SCAF11: variants seen among roughly 807,000 people sequenced by gnomAD.
SCAF11 encodes SR-related CTD associated factor 11.
A neutral mutation model predicts 140.5 loss-of-function variants in SCAF11; 47 were observed. That is an observed-to-expected ratio of 0.33 (90% confidence interval 0.26 to 0.43). SCAF11 has a LOEUF of 0.43. Among genes scored for constraint, SCAF11 ranks in the 20% least tolerant of loss-of-function variants. The pLI, the probability that SCAF11 is intolerant of heterozygous loss-of-function variation, is 1.00. For synonymous variants in SCAF11, 557 were observed against 579.4 expected, an observed-to-expected ratio of 0.96 and a Z score of 0.55; for missense variants, 1,645 against 1,705.1, an observed-to-expected ratio of 0.96 and a Z score of 0.62.
chr12:45,990,223 G>GA, intron 1 of SCAF11, 130 bp downstream of exon 1: 1 of 1,194,380 alleles, frequency 8.4e-7, no homozygotes, highest in South Asian at 4.4e-5. Context: ...CGGGCCGCGC[G>GA]AGATTCCGAA....
intron 3 of SCAF11, chr12:45,953,898 C>G: frequency 1.0e-6 from 1 of 996,428 alleles, no homozygotes; most frequent in Non-Finnish European, 1.3e-6. Flanking sequence ...TATGTAAGGT[C>G]TTGTAATCAA....
intron 6 of SCAF11, among the ~76,000 whole-genome samples, chr12:45,944,924 T>C (rs545139594): frequency 1.3e-5 from 2 of 152,120 alleles, no homozygotes; most frequent in Non-Finnish European, 2.9e-5. Flanking sequence ...AGGTATTTAA[T>C]CTCATCTCCC....
At chr12:45,982,891 T>C (rs1339233248) in intron 1 of SCAF11, among the ~76,000 whole-genome samples, 1 of 152,208 alleles carries the variant, frequency 6.6e-6, no homozygotes, top group Non-Finnish European at 1.5e-5. Flanking sequence ...CGGATTAAGA[T>C]ACTGTATCAC....
chr12:45,921,939 T>A lies in SCAF11; in HGVS notation c.*109A>T. The A allele has an allele frequency of 7.5e-7, 1 of 1,338,628 alleles. No individual in the cohort carries two copies. The highest frequency in any genetic ancestry group is 1.0e-6 in the Non-Finnish European group (1 of 982,556). 82.9% of individuals were successfully genotyped at this position (1,338,628 alleles called of 1,614,324 possible). A position where few individuals can be genotyped will look rare whatever the true frequency, so the allele number is the denominator to read the frequency against. ...ATATCCTATGTTAAAAAAATAATTT[T>A]ATCAAAACCAAATTTCAATCACAGT... On this transcript the variant is annotated 3_prime_UTR_variant, in exon 15 of 15. Transcript: ENST00000369367.
In SCAF11 at chr12:45,919,424, C is replaced by A. The variant is rs2136482901; in HGVS notation, c.*2624G>T. 1 of 152,686 alleles carries A rather than the reference C, an allele frequency of 6.5e-6. No individual in the cohort carries two copies. Among genetic ancestry groups the A allele is most frequent in the East Asian group, 1.9e-4 (1 of 5,188 alleles). The allele number at this position is 152,686 out of a possible 1,614,324, so 9.5% of individuals were successfully genotyped here. The stretch of plus-strand genomic sequence containing the variant: ...GATAACTACTATTAGTCTCAAAATT[C>A]TAGGCATTTCTATAAAACATTGGTC... On this transcript the variant is annotated 3_prime_UTR_variant, in exon 15 of 15. Transcript: ENST00000369367.
chr12:45,949,334 C>T (rs1945496480), intron 4 of SCAF11, among the ~76,000 whole-genome samples: 1 of 152,014 alleles, frequency 6.6e-6, no homozygotes. Flanking sequence ...ATTTCAAAGA[C>T]TTAGTATAAT....
chr12:45,971,745 C>A (rs554245178), intron 1 of SCAF11, among the ~76,000 whole-genome samples: 1 of 152,074 alleles, frequency 6.6e-6, no homozygotes, highest in East Asian at 1.9e-4. Flanking sequence ...TTCCTCATGT[C>A]CCAATTCCCA....
intron 1 of SCAF11, among the ~76,000 whole-genome samples, chr12:45,977,070 A>AT (rs535700011): frequency 2.7e-3 from 409 of 152,262 alleles, no homozygotes; most frequent in African/African-American, 9.5e-3. Context: ...AGAAATATTT[A>AT]AAGGAGAAAT....
At chr12:45,972,353 G>A (rs887335428) in intron 1 of SCAF11, among the ~76,000 whole-genome samples, 5 of 152,024 alleles carry the variant, frequency 3.3e-5, no homozygotes, top group Non-Finnish European at 7.4e-5. Context: ...AGGTCAAGAT[G>A]GGAGGACTGC....
In SCAF11 at chr12:45,926,874, A is replaced by G; in HGVS notation, c.2827T>C (p.Ser943Pro). 1 of 1,613,884 alleles carries G rather than the reference A, an allele frequency of 6.2e-7. No individual in the cohort carries two copies. The highest frequency in any genetic ancestry group is 8.5e-7 in the Non-Finnish European group (1 of 1,180,032). ...SRSRSHSRSPSRCRTKSKSSS... is the reference protein window; with the variant it reads ...SRSRSHSRSPPRCRTKSKSSS... Reference sequence around the variant, plus strand: ...CTCTTACTTTTTGTTCTACATCTTGAGGGGGACCTAGAATGAGATCTGGAC... The same window carrying G: ...CTCTTACTTTTTGTTCTACATCTTGGGGGGGACCTAGAATGAGATCTGGAC... The change falls in exon 11 of 15, where the codon TCA becomes CCA. Residue 943 changes from serine (S) to proline (P), a missense_variant. Around this residue, in one of 2 missense-constraint regions of SCAF11, gnomAD observed 1,582 missense variants for 1,609.2 expected, o/e 0.98. Coordinates refer to ENST00000369367, the MANE Select transcript of SCAF11 (RefSeq NM_004719.3).
intron 5 of SCAF11, 41 bp from the exon 6 acceptor site, chr12:45,945,354 AC>A (rs756869938): frequency 2.5e-6 from 3 of 1,211,254 alleles, no homozygotes; most frequent in Non-Finnish European, 3.6e-6. Context: ...TAAGAAAAAA[AC>A]TGTCATTTTG....
intron 1 of SCAF11, chr12:45,975,787 G>A (rs1946219626): frequency 1.3e-5 from 2 of 152,090 alleles, no homozygotes; most frequent in African/African-American, 4.8e-5. Context: ...GAGAACAGCT[G>A]GTCAGTGGAG....
In SCAF11 at chr12:45,958,046, A is replaced by G. The variant is rs371500274; in HGVS notation, c.219+3654T>C. ...TTCCCAAGTAGCTGGGACTACAGGC[A>G]TACTCCACCATGCCTGGCTAATTTT... On this transcript the variant is annotated intron_variant, in intron 3 of 14. Coordinates refer to ENST00000369367, the MANE Select transcript of SCAF11 (RefSeq NM_004719.3). Among the ~76,000 whole-genome samples, 344 of 151,082 alleles carry G rather than the reference A, an allele frequency of 2.3e-3. 12 individuals are homozygous for G. In the South Asian group the frequency reaches 0.067, roughly 30 times the overall value.
chr12:45,945,301 G>A lies in SCAF11; in HGVS notation c.411C>T (p.Ile137=), dbSNP rs779887204. The change falls in exon 6 of 15, where the codon ATC becomes ATT. Residue 137 remains isoleucine, a synonymous_variant. Transcript: ENST00000369367. ...TTGCACTTAATAGATCTTCTCTTAC[G>A]ATGGCTTTTCTTCTGTAAACATCAA... ...NSKSCIRRKA[I]VREDLLSAKV... is the part of the protein sequence containing the mutation. The A allele has an allele frequency of 8.9e-6, 14 of 1,566,938 alleles. No homozygotes were observed. The highest frequency in any genetic ancestry group is 1.9e-5 in the Admixed American group (1 of 52,006).
intron 5 of SCAF11, among the ~76,000 whole-genome samples, chr12:45,946,151 T>C (rs141679895): frequency 9.4e-4 from 143 of 152,316 alleles, no homozygotes; most frequent in Non-Finnish European, 1.6e-3. Flanking sequence ...TCAGTTACCA[T>C]TCTCTACAAT....
At chr12:45,952,002 G>A (rs1302462431) in intron 3 of SCAF11, among the ~76,000 whole-genome samples, 1 of 152,132 alleles carries the variant, frequency 6.6e-6, no homozygotes, top group Non-Finnish European at 1.5e-5. Context: ...AGTGAAAGAT[G>A]AGTTGGGCTG....
chr12:45,970,310 G>A (rs186452866), intron 1 of SCAF11, among the ~76,000 whole-genome samples: 19 of 152,352 alleles, frequency 1.2e-4, no homozygotes, highest in Admixed American at 3.9e-4. Flanking sequence ...GGGATTACAA[G>A]CATGTGCCAC....
At position 45,926,917 on chromosome 12, in the gene SCAF11, T is replaced by G; in HGVS notation, c.2784A>C (p.Arg928Ser). 1 of 1,613,088 alleles carries G rather than the reference T, an allele frequency of 6.2e-7. No individual in the cohort carries two copies. Among genetic ancestry groups the G allele is most frequent in the Non-Finnish European group, 8.5e-7 (1 of 1,180,014 alleles). Residue 928 changes from arginine (R) to serine (S), a missense_variant, in exon 11 of 15, where the codon AGA (arginine) becomes AGC (serine). Around this residue, in one of 2 missense-constraint regions of SCAF11, gnomAD observed 1,582 missense variants for 1,609.2 expected, o/e 0.98. Coordinates refer to ENST00000369367, the MANE Select transcript of SCAF11 (RefSeq NM_004719.3). The part of the protein sequence containing the change: ...RDGQRRERER[R>S]TRKWSRSRSH... ...ATCTGGACCTAGACCACTTTCTGGT[T>G]CTCCTTTCTCTCTCTCTCCTCTGCC...
At chr12:45,952,328 A>G (rs1945569442) in intron 3 of SCAF11, among the ~76,000 whole-genome samples, 2 of 152,204 alleles carry the variant, frequency 1.3e-5, no homozygotes, top group South Asian at 4.1e-4. Context: ...AGATTGATTC[A>G]TATTAGTAAT....
Sources: gnomAD v4.1 joint callset for allele counts (sites outside exome capture counted in the v4.1 genomes callset) on GRCh38, gnomAD v4.1.1 for gene constraint, gnomAD v4.1.1 regional missense constraint, MANE v1.5 for transcripts, NCBI Gene and HGNC (gene_info 2026-07-23, HGNC 2026-07-21) for gene names.